Variants in GRAMD1A observed in about 807,000 individuals in gnomAD.
GRAMD1A encodes protein Aster-A.
In GRAMD1A, 50 loss-of-function variants were observed where a neutral mutation model predicts 92.0. The observed-to-expected ratio is 0.54, with a 90% CI of 0.43 to 0.69. GRAMD1A has a LOEUF of 0.69. Ranked by LOEUF, GRAMD1A falls within the 30% of genes least tolerant of loss-of-function variation. The pLI is 0.00. For synonymous variants in GRAMD1A, 405 were observed against 403.6 expected, an observed-to-expected ratio of 1.00 and a Z score of -0.04; for missense variants, 819 against 978.9, an observed-to-expected ratio of 0.84 and a Z score of 2.18.
Position 35,021,751 on chromosome 19 carries a change from G to C in GRAMD1A, c.1640G>C (p.Gly547Ala), listed in dbSNP as rs562077836. The part of the protein sequence containing the change: ...SLEEGGKDAR[G>A]LLSGLRRRKR... ...GAGGAAGGCGGGAAGGATGCCCGGG[G>C]CTTGCTATCCGGCCTGCGGCGGCGG... Residue 547 changes from glycine (G) to alanine (A), a missense_variant, in exon 15 of 20, where the codon GGC becomes GCC. Gly to Ala is a moderately conservative substitution (Grantham distance 60, BLOSUM62 0). This residue lies in a region of GRAMD1A where 577 missense variants were observed against 674.6 expected (regional missense o/e 0.86). Coordinates refer to ENST00000317991, the MANE Select transcript of GRAMD1A (RefSeq NM_020895.5). The surrounding 1 kb of genome is among the most constrained non-coding windows in gnomAD (Gnocchi z 5.3). The C allele has an allele frequency of 6.2e-7, 1 of 1,613,780 alleles. No individual in the cohort carries two copies. Among genetic ancestry groups the C allele is most frequent in the African/African-American group, 1.3e-5 (1 of 75,078 alleles).
intron 1 of GRAMD1A, 133 bp from the exon 2 acceptor site, chr19:35,008,986 G>A: frequency 2.9e-6 from 2 of 680,296 alleles, no homozygotes; most frequent in Non-Finnish European, 2.7e-6. Flanking sequence ...TCACTGCTGG[G>A]AAGAGAAACA....
chr19:34,996,436 C>T (rs188642700), upstream of GRAMD1A: 1 of 634,278 alleles, frequency 1.6e-6, no homozygotes. Context: ...AACAGATGCA[C>T]AAACAAAAGG....
intron 10 of GRAMD1A, chr19:35,015,207 AC>A (rs991838639): frequency 1.3e-5 from 2 of 152,320 alleles, no homozygotes; most frequent in African/African-American, 4.8e-5. Context: ...GTGATTTCAT[AC>A]ATTTAAAGCA....
rs916303146 is a variant in GRAMD1A at position 35,023,611 on chromosome 19, C to T, written c.2082+64C>T. On this transcript the variant is annotated intron_variant, in intron 19 of 19. Transcript: ENST00000317991. The stretch of plus-strand genomic sequence containing the variant: ...GCTGCAGGGTCCTGTGTTGAAACCC[C>T]ACCGTGCGGCAGGCACTTCCCCTCT... The T allele has an allele frequency of 9.4e-5, 136 of 1,446,662 alleles. 2 individuals are homozygous for T. The Admixed American group carries it at 2.8e-3, about 29-fold the overall frequency. 89.6% of individuals were successfully genotyped at this position (1,446,662 alleles called of 1,614,324 possible).
At chr19:35,022,878 C>A in intron 16 of GRAMD1A, 22 bp from the exon 17 acceptor site, 1 of 1,603,456 alleles carries the variant, frequency 6.2e-7, no homozygotes, top group East Asian at 2.2e-5. Context: ...CTCTCTGTCT[C>A]CCCTCACTGC....
rs1457469800 is a variant in GRAMD1A at position 35,021,382 on chromosome 19, G to A, written c.1476-120G>A. 8 of 738,408 alleles carry A rather than the reference G, an allele frequency of 1.1e-5. No homozygotes were observed. Among genetic ancestry groups the A allele is most frequent in the Admixed American group, 2.0e-5 (1 of 48,792 alleles). 45.7% of individuals were successfully genotyped at this position (738,408 alleles called of 1,614,324 possible). A position where few individuals can be genotyped will look rare whatever the true frequency, so the allele number is the denominator to read the frequency against. ...GGGGGGTAGGGAACCCATCTGTTTT[G>A]TCTGTGAGTGACAAGGGGCCCTCTC... On this transcript the variant is annotated intron_variant, in intron 13 of 19. Transcript: ENST00000317991. The surrounding 1 kb of genome is among the most constrained non-coding windows in gnomAD (Gnocchi z 5.3).
In GRAMD1A at chr19:35,026,453, A is replaced by G. The variant is rs561737058; in HGVS notation, c.*312A>G. The G allele has an allele frequency of 3.2e-4, 114 of 351,086 alleles. 1 individual carries two copies. The South Asian group carries it at 4.9e-3, about 15-fold the overall frequency. 21.7% of individuals were successfully genotyped at this position (351,086 alleles called of 1,614,324 possible). ...TTTATTTGGGGCCGACAGTGCCCCAATAAAGGGTCAGAAGTGGCTGTGGCT... is the reference window on the plus strand; with the variant it reads ...TTTATTTGGGGCCGACAGTGCCCCAGTAAAGGGTCAGAAGTGGCTGTGGCT... On this transcript the variant is annotated 3_prime_UTR_variant, in exon 20 of 20. Coordinates refer to ENST00000317991, the MANE Select transcript of GRAMD1A (RefSeq NM_020895.5).
intron 1 of GRAMD1A, chr19:35,005,802 C>T: frequency 2.2e-6 from 1 of 452,890 alleles, no homozygotes; most frequent in Non-Finnish European, 4.4e-6. Context: ...CAGAGTAGTC[C>T]AGGATGGGAG....
intron 1 of GRAMD1A, among the ~76,000 whole-genome samples, chr19:35,001,844 G>A (rs559917333): frequency 6.4e-4 from 98 of 152,234 alleles, no homozygotes; most frequent in Admixed American, 1.6e-3. Context: ...CTGACCTCAG[G>A]TGATCCACCC....
chr19:35,015,884 A>C lies in GRAMD1A; in HGVS notation c.1130A>C (p.His377Pro), dbSNP rs1245942769. 6.2e-7 allele frequency: 1 copy of C among 1,613,944 alleles called. No homozygotes were observed. The highest frequency in any genetic ancestry group is 8.5e-7 in the Non-Finnish European group (1 of 1,179,924). ...CGCCTCCTCATCAACTCTGTCTTCC[A>C]TGTGGGCGCTGAGCGGCTCCAGCAG... ...SGRLLINSVF[H>P]VGAERLQQML... Residue 377 changes from histidine to proline, a missense_variant, in exon 11 of 20, where the codon CAT becomes CCT. His to Pro is a moderately conservative substitution (Grantham distance 77). Around this residue, in one of 3 missense-constraint regions of GRAMD1A, gnomAD observed 577 missense variants for 674.6 expected, o/e 0.86. Transcript: ENST00000317991.
chr19:35,024,578 C>T (rs576209256), intron 19 of GRAMD1A, among the ~76,000 whole-genome samples: 103 of 152,268 alleles, frequency 6.8e-4, no homozygotes, highest in African/African-American at 2.4e-3. Flanking sequence ...CCAAGGCCAT[C>T]AGAGCTGAAG....
At chr19:35,012,804 G>A (rs78500272) in intron 7 of GRAMD1A, among the ~76,000 whole-genome samples, 10 of 152,178 alleles carry the variant, frequency 6.6e-5, no homozygotes, top group African/African-American at 1.7e-4. Context: ...GTGAAACCCC[G>A]TCTCTACTAA....
intron 1 of GRAMD1A, among the ~76,000 whole-genome samples, chr19:35,004,988 G>GGGGGGT (rs1222689751): frequency 6.6e-6 from 1 of 152,100 alleles, no homozygotes; most frequent in Non-Finnish European, 1.5e-5. Flanking sequence ...GCACTTGACT[G>GGGGGGT]GAAGGTCCTT....
chr19:35,017,692 G>T (rs530841755), intron 11 of GRAMD1A, among the ~76,000 whole-genome samples: 1 of 120,432 alleles, frequency 8.3e-6, no homozygotes, highest in African/African-American at 3.6e-5. Context: ...CCTCTGCCCC[G>T]ACCCCTTCCT....
chr19:34,998,307 T>C (rs2014126567), upstream of GRAMD1A: 2 of 132,330 alleles, frequency 1.5e-5, no homozygotes, highest in South Asian at 4.8e-4. Flanking sequence ...CCTTTTTTTT[T>C]TTTTTTTTTT....
chr19:35,003,395 C>A (rs2014559035), intron 1 of GRAMD1A, among the ~76,000 whole-genome samples: 1 of 152,150 alleles, frequency 6.6e-6, no homozygotes, highest in Non-Finnish European at 1.5e-5. Flanking sequence ...CCTTCCGAGT[C>A]TCCTCGCCCC....
At chr19:35,015,172 A>C (rs983190475) in intron 10 of GRAMD1A, 1 of 152,436 alleles carries the variant, frequency 6.6e-6, no homozygotes, top group Non-Finnish European at 1.5e-5. Flanking sequence ...CCCTGTCTCT[A>C]AAACGAACAA....
At chr19:35,009,805 A>G (rs1456134158) in intron 3 of GRAMD1A, 83 bp from the exon 4 acceptor site, 8 of 840,710 alleles carry the variant, frequency 9.5e-6, no homozygotes, top group Admixed American at 6.8e-5. Context: ...GACTTAAGAG[A>G]CTGAGGGGGT....
chr19:35,001,518 G>A (rs1284098893), intron 1 of GRAMD1A, among the ~76,000 whole-genome samples: 1 of 152,118 alleles, frequency 6.6e-6, no homozygotes, highest in African/African-American at 2.4e-5. Flanking sequence ...GTGACTTAGT[G>A]GTGTGTGTAC....
Sources: gnomAD v4.1 joint callset for allele counts (sites outside exome capture counted in the v4.1 genomes callset) on GRCh38, gnomAD v4.1.1 for gene constraint, gnomAD v4.1.1 regional missense constraint, Gnocchi (gnomAD v3.1) non-coding constraint, MANE v1.5 for transcripts, NCBI Gene and HGNC (gene_info 2026-07-23, HGNC 2026-07-21) for gene names.